The following DNM3 variants were observed in gnomAD, a reference collection of about 807,000 sequenced individuals.
The protein encoded by DNM3 is dynamin-3.
A neutral mutation model predicts 101.6 loss-of-function variants in DNM3; 47 were observed. That is an observed-to-expected ratio of 0.46 (90% CI 0.37 to 0.59). The LOEUF is 0.59. Ranked by LOEUF, DNM3 falls within the 20% of genes least tolerant of loss-of-function variation. The pLI is 0.00. For missense variants in DNM3, 849 were observed against 1,085.7 expected, an observed-to-expected ratio of 0.78 and a Z score of 3.06; for synonymous variants, 385 against 387.9, an observed-to-expected ratio of 0.99 and a Z score of 0.09.
At chr1:172,152,451 C>A (rs2058172097) in intron 14 of DNM3, among the ~76,000 whole-genome samples, 2 of 152,030 alleles carry the variant, frequency 1.3e-5, no homozygotes, top group East Asian at 1.9e-4. Context: ...AATTTTAGTT[C>A]TATCTTTGTC....
intron 4 of DNM3, among the ~76,000 whole-genome samples, chr1:172,024,601 C>G (rs1355864369): frequency 1.3e-5 from 2 of 152,210 alleles, no homozygotes; most frequent in Non-Finnish European, 2.9e-5. Context: ...ACTGAGGTAC[C>G]TGGCTCGTCT....
intron 1 of DNM3, among the ~76,000 whole-genome samples, chr1:171,911,443 C>T (rs555813677): frequency 1.3e-5 from 2 of 152,076 alleles, no homozygotes; most frequent in Non-Finnish European, 2.9e-5. Context: ...ACACCACGCC[C>T]GGCTAATTTT....
In DNM3 at chr1:172,317,885, T is replaced by G. The variant is rs187676943; in HGVS notation, c.1882-5444T>G. Among the ~76,000 whole-genome samples, 1,271 of 152,318 alleles carry G rather than the reference T, an allele frequency of 8.3e-3. 16 individuals carry two copies. Among genetic ancestry groups the G allele is most frequent in the African/African-American group, 0.029 (1,211 of 41,566 alleles). ...AAAGAGGGAATCCTCCCTAACTCATTTTGAGGCCAGCATCATCCTGATATC... is the reference window on the plus strand; with the variant it reads ...AAAGAGGGAATCCTCCCTAACTCATGTTGAGGCCAGCATCATCCTGATATC... On this transcript the variant is annotated intron_variant, in intron 16 of 20. Coordinates refer to ENST00000627582, the MANE Select transcript of DNM3 (RefSeq NM_015569.5).
At chr1:171,870,448 C>A (rs1253742317) in intron 1 of DNM3, among the ~76,000 whole-genome samples, 1 of 151,252 alleles carries the variant, frequency 6.6e-6, no homozygotes, top group Non-Finnish European at 1.5e-5. Context: ...ATCTCAAAAA[C>A]AAAAAAACAA....
chr1:172,407,972 C>G lies in DNM3; in HGVS notation c.*131C>G. ...AGGCAAGTAACCAGTTTTACTAATG[C>G]ATTCATCGCTCATCTTCATTGCTCA... On this transcript the variant is annotated 3_prime_UTR_variant, in exon 21 of 21. Transcript: ENST00000627582. 6.5e-7 allele frequency: 1 copy of G among 1,546,262 alleles called. No individual in the cohort carries two copies. Among genetic ancestry groups the G allele is most frequent in the Non-Finnish European group, 8.7e-7 (1 of 1,146,030 alleles).
intron 2 of DNM3, among the ~76,000 whole-genome samples, chr1:171,982,836 A>G (rs924007990): frequency 5.3e-5 from 8 of 152,170 alleles, no homozygotes; most frequent in African/African-American, 1.9e-4. Flanking sequence ...AAATATGATC[A>G]ATCTCTACAG....
intron 2 of DNM3, among the ~76,000 whole-genome samples, chr1:171,976,662 A>G (rs2044396519): frequency 6.6e-6 from 1 of 152,222 alleles, no homozygotes. Context: ...AAAACACACT[A>G]AAGATCTCCT....
intron 2 of DNM3, among the ~76,000 whole-genome samples, chr1:171,955,540 G>T (rs1248743116): frequency 7.2e-5 from 11 of 152,168 alleles, no homozygotes; most frequent in African/African-American, 1.9e-4. Context: ...AAATGATAAA[G>T]CTATTATCTA....
intron 14 of DNM3, among the ~76,000 whole-genome samples, chr1:172,149,995 G>T (rs753208144): frequency 6.6e-6 from 1 of 152,098 alleles, no homozygotes; most frequent in Non-Finnish European, 1.5e-5. Flanking sequence ...GTAATGATAG[G>T]CATACTTGCG....
chr1:172,382,097 GC>G (rs2068942078), intron 18 of DNM3, among the ~76,000 whole-genome samples: 2 of 152,146 alleles, frequency 1.3e-5, no homozygotes, highest in African/African-American at 4.8e-5. Context: ...TTAAAGCCTA[GC>G]AATAAATGCC....
At chr1:172,313,728 A>G (rs1159360485) in intron 16 of DNM3, among the ~76,000 whole-genome samples, 1 of 152,206 alleles carries the variant, frequency 6.6e-6, no homozygotes, top group Non-Finnish European at 1.5e-5. Context: ...CAACTAGTTC[A>G]GTACCTTCAA....
Position 172,387,296 on chromosome 1 carries a change from C to T in DNM3, c.2222C>T (p.Thr741Ile), listed in dbSNP as rs1238028597. ...CTTGGGATAATTGGGGACATCAGCA[C>T]AGCCACCGTGTCCACTCCGGCACCC... ...EALGIIGDIS[T>I]ATVSTPAPPP... is the part of the protein sequence containing the mutation. The change falls in exon 19 of 21, where the codon ACA becomes ATA. Residue 741 changes from threonine (T) to isoleucine (I), a missense_variant. This residue lies in a region of DNM3 where 256 missense variants were observed against 311.7 expected (regional missense o/e 0.82). Coordinates refer to ENST00000627582, the MANE Select transcript of DNM3 (RefSeq NM_015569.5). 1 of 1,613,900 alleles carries T rather than the reference C, an allele frequency of 6.2e-7. No homozygotes were observed. Among genetic ancestry groups the T allele is most frequent in the South Asian group, 1.1e-5 (1 of 91,088 alleles).
chr1:171,868,699 A>C (rs577671811), intron 1 of DNM3, among the ~76,000 whole-genome samples: 2 of 152,166 alleles, frequency 1.3e-5, no homozygotes, highest in Non-Finnish European at 2.9e-5. Flanking sequence ...CTCTATTTAA[A>C]AACTTAATTT....
At chr1:171,929,956 G>T (rs185757106) in intron 2 of DNM3, among the ~76,000 whole-genome samples, 2 of 152,156 alleles carry the variant, frequency 1.3e-5, no homozygotes. Context: ...AAAGATGGTG[G>T]CCCACCCCTC....
At chr1:172,151,197 C>A (rs749391924) in intron 14 of DNM3, among the ~76,000 whole-genome samples, 2 of 152,104 alleles carry the variant, frequency 1.3e-5, no homozygotes, top group Admixed American at 1.3e-4. Context: ...TTAAGCCTAG[C>A]GCATGTGCAG....
rs531303566 is a variant in DNM3 at position 172,412,520 on chromosome 1, T to TTAA, written c.*4681_*4683dup. ...AAATCTTGTCTTCTCTGCTGATTCT[T>TTAA]TAATTAATATGAGCCGGATACTTTC... On this transcript the variant is annotated 3_prime_UTR_variant, in exon 21 of 21. Coordinates refer to ENST00000627582, the MANE Select transcript of DNM3 (RefSeq NM_015569.5). 1.3e-4 allele frequency: 126 copies of TTAA among 985,808 alleles called. 2 individuals carry two copies. In the African/African-American group the frequency reaches 1.7e-3, roughly 14 times the overall value. The allele number at this position is 985,808 out of a possible 1,614,324, so 61.1% of individuals were successfully genotyped here.
chr1:171,990,264 G>A (rs1302150131), intron 4 of DNM3, among the ~76,000 whole-genome samples: 1 of 152,032 alleles, frequency 6.6e-6, no homozygotes, highest in East Asian at 1.9e-4. Flanking sequence ...AATGTTTGTC[G>A]ATCTTTTGCC....
At chr1:172,103,345 C>G (rs761004113) in intron 13 of DNM3, among the ~76,000 whole-genome samples, 3 of 152,196 alleles carry the variant, frequency 2.0e-5, no homozygotes, top group African/African-American at 4.8e-5. Context: ...CTAACAATGT[C>G]TAAAAGCTGG....
rs2060849603 is a variant in DNM3, at chr1:172,219,999, A to T, written c.1660-33574A>T. On this transcript the variant is annotated intron_variant, in intron 14 of 20. Coordinates refer to ENST00000627582, the MANE Select transcript of DNM3 (RefSeq NM_015569.5). Reference sequence around the variant, plus strand: ...TTTCTAGATTGCAAGTAAGCTGTGTAGAGTAAGGGAAACATGGCTCATCTG... The same window carrying T: ...TTTCTAGATTGCAAGTAAGCTGTGTTGAGTAAGGGAAACATGGCTCATCTG... 1.3e-5 allele frequency among the ~76,000 whole-genome samples: 2 copies of T among 152,200 alleles called. 1 individual carries two copies. Among genetic ancestry groups the T allele is most frequent in the South Asian group, 4.1e-4 (2 of 4,830 alleles).
Sources: gnomAD v4.1 joint callset for allele counts (sites outside exome capture counted in the v4.1 genomes callset) on GRCh38, gnomAD v4.1.1 for gene constraint, gnomAD v4.1.1 regional missense constraint, MANE v1.5 for transcripts, NCBI Gene and HGNC (gene_info 2026-07-23, HGNC 2026-07-21) for gene names.